Variants in PAXIP1 observed in about 807,000 individuals in gnomAD.
PAXIP1 encodes PAX-interacting protein 1.
PAXIP1 carries 19 observed loss-of-function variants against 140.6 expected under a neutral mutation model. That is an observed-to-expected ratio of 0.14 (90% CI 0.09 to 0.20). PAXIP1 has a LOEUF of 0.20. Among genes scored for constraint, PAXIP1 ranks in the 10% least tolerant of loss-of-function variants. The pLI is 1.00. For missense variants in PAXIP1, 920 were observed against 1,208.6 expected (o/e 0.76, Z 3.54); for synonymous variants, 442 against 444.6 (o/e 0.99, Z 0.07).
Position 155,002,965 on chromosome 7 carries a change from C to A in PAXIP1, c.-36G>T, listed in dbSNP as rs773223151. 1 of 1,005,086 alleles carries A rather than the reference C, an allele frequency of 9.9e-7. No individual in the cohort carries two copies. Among genetic ancestry groups the A allele is most frequent in the Non-Finnish European group, 1.2e-6 (1 of 811,794 alleles). 62.3% of individuals were successfully genotyped at this position (1,005,086 alleles called of 1,614,324 possible). A position where few individuals can be genotyped will look rare whatever the true frequency, so the allele number is the denominator to read the frequency against. On this transcript the variant is annotated 5_prime_UTR_variant, in exon 1 of 21. Transcript: ENST00000404141. Reference sequence around the variant, plus strand: ...GCCCGGGAGGCTCCGCGGCGGCGCCCGGCCCCGCCCACCCCCCGCCCCCGG... The same window carrying A: ...GCCCGGGAGGCTCCGCGGCGGCGCCAGGCCCCGCCCACCCCCCGCCCCCGG...
At chr7:154,983,463 A>G (rs1809934075) in intron 4 of PAXIP1, 131 bp from the exon 5 acceptor site, 1 of 596,454 alleles carries the variant, frequency 1.7e-6, no homozygotes, top group Non-Finnish European at 2.9e-6. Flanking sequence ...TATTTGTAGA[A>G]AAAATAGAGA....
At chr7:154,985,698 A>T (rs143285429) in intron 4 of PAXIP1, among the ~76,000 whole-genome samples, 1 of 152,280 alleles carries the variant, frequency 6.6e-6, no homozygotes, top group South Asian at 2.1e-4. Context: ...CTTTAAACCA[A>T]TCAGGAACAC....
chr7:154,962,581 C>T (rs1808801912), intron 9 of PAXIP1, 123 bp from the exon 10 acceptor site: 5 of 755,864 alleles, frequency 6.6e-6, no homozygotes, highest in Non-Finnish European at 1.0e-5. Context: ...AATTTCATGA[C>T]ATCTAGCACT....
intron 1 of PAXIP1, chr7:155,000,083 G>T (rs1446102152): frequency 6.6e-6 from 1 of 151,772 alleles, no homozygotes; most frequent in African/African-American, 2.4e-5. Context: ...GACCCACCAG[G>T]GCAACGCTCT....
intron 16 of PAXIP1, among the ~76,000 whole-genome samples, chr7:154,953,526 G>A (rs1470029848): frequency 6.6e-6 from 1 of 152,158 alleles, no homozygotes; most frequent in Non-Finnish European, 1.5e-5. Context: ...GGGGAGGATG[G>A]AGGACACAGC....
At chr7:154,989,944 T>G (rs1024102215) in intron 4 of PAXIP1, among the ~76,000 whole-genome samples, 9 of 152,168 alleles carry the variant, frequency 5.9e-5, no homozygotes, top group Admixed American at 2.6e-4. Flanking sequence ...TCCGATTGTT[T>G]CCAATTTTAC....
intron 4 of PAXIP1, among the ~76,000 whole-genome samples, chr7:154,984,340 C>T (rs762318805): frequency 3.3e-5 from 5 of 152,004 alleles, no homozygotes; most frequent in Non-Finnish European, 7.4e-5. Flanking sequence ...ATCATTTAAC[C>T]GAGTAAATTT....
chr7:154,990,169 G>C (rs1303735613), intron 4 of PAXIP1, among the ~76,000 whole-genome samples: 1 of 151,126 alleles, frequency 6.6e-6, no homozygotes, highest in Non-Finnish European at 1.5e-5. Flanking sequence ...AGCCTCCCAA[G>C]TAGCTGCGAT....
chr7:154,951,018 G>A (rs1264039343), intron 16 of PAXIP1: 1 of 152,336 alleles, frequency 6.6e-6, no homozygotes, highest in African/African-American at 2.4e-5. Flanking sequence ...CAGGGCAGTG[G>A]AACAACTCCA....
chr7:154,961,268 A>G (rs955805221), intron 11 of PAXIP1, among the ~76,000 whole-genome samples, 191 bp from the exon 12 acceptor site: 6 of 152,208 alleles, frequency 3.9e-5, no homozygotes, highest in African/African-American at 7.2e-5. Flanking sequence ...CAGAATTACA[A>G]AACCACTAAG....
chr7:154,993,346 C>T (rs1047783015), intron 3 of PAXIP1, among the ~76,000 whole-genome samples: 5 of 152,226 alleles, frequency 3.3e-5, no homozygotes, highest in African/African-American at 9.6e-5. Context: ...ATTAACAATG[C>T]ATGTTATAAA....
chr7:154,994,504 T>C (rs1403357712), intron 2 of PAXIP1, among the ~76,000 whole-genome samples: 1 of 152,106 alleles, frequency 6.6e-6, no homozygotes, highest in Non-Finnish European at 1.5e-5. Context: ...ATTCATCAAA[T>C]ATTTATTGAG....
Position 155,002,989 on chromosome 7 carries a change from G to A in PAXIP1, c.-60C>T, listed in dbSNP as rs1342634945. ...CCGGCCCCGCCCACCCCCCGCCCCCGGCCCCCGCGGCGCCCGGCGCCCCCA... is the reference window on the plus strand; with the variant it reads ...CCGGCCCCGCCCACCCCCCGCCCCCAGCCCCCGCGGCGCCCGGCGCCCCCA... On this transcript the variant is annotated 5_prime_UTR_variant, in exon 1 of 21. Coordinates refer to ENST00000404141, the MANE Select transcript of PAXIP1 (RefSeq NM_007349.4). 8 of 579,046 alleles carry A rather than the reference G, an allele frequency of 1.4e-5. No homozygotes were observed. The highest frequency in any genetic ancestry group is 1.5e-5 in the Non-Finnish European group (8 of 524,364). The allele number at this position is 579,046 out of a possible 1,614,324, so 35.9% of individuals were successfully genotyped here.
intron 11 of PAXIP1, 84 bp downstream of exon 11, chr7:154,961,443 A>C: frequency 8.8e-7 from 1 of 1,130,978 alleles, no homozygotes; most frequent in Non-Finnish European, 1.2e-6. Flanking sequence ...AAACTATGAC[A>C]TACTAAAAAA....
intron 4 of PAXIP1, chr7:154,985,894 T>C (rs1810048482): frequency 1.5e-6 from 1 of 662,676 alleles, no homozygotes. Flanking sequence ...GGCACATGGG[T>C]AGGCAGTCAA....
At chr7:154,969,546 G>T (rs1563373654) in intron 6 of PAXIP1, among the ~76,000 whole-genome samples, 1 of 152,230 alleles carries the variant, frequency 6.6e-6, no homozygotes. Flanking sequence ...TCCTGGCCCA[G>T]GAATGCACTG....
chr7:154,984,915 C>T (rs965846124), intron 4 of PAXIP1, among the ~76,000 whole-genome samples: 16 of 152,132 alleles, frequency 1.1e-4, no homozygotes, highest in Non-Finnish European at 1.6e-4. Flanking sequence ...GTGTCACAGG[C>T]GTAGACCTCA....
intron 4 of PAXIP1, among the ~76,000 whole-genome samples, chr7:154,988,328 C>A (rs775078664): frequency 2.0e-5 from 3 of 152,160 alleles, no homozygotes; most frequent in African/African-American, 7.2e-5. Context: ...TCCCTCGCCT[C>A]GCAATCCAGA....
chr7:154,944,037 C>G lies in PAXIP1; in HGVS notation c.*112G>C, dbSNP rs1263458635. The G allele has an allele frequency of 2.1e-6, 2 of 967,312 alleles. No individual in the cohort carries two copies. Among genetic ancestry groups the G allele is most frequent in the Non-Finnish European group, 3.3e-6 (2 of 608,386 alleles). The allele number at this position is 967,312 out of a possible 1,614,324, so 59.9% of individuals were successfully genotyped here. A position where few individuals can be genotyped will look rare whatever the true frequency, so the allele number is the denominator to read the frequency against. On this transcript the variant is annotated 3_prime_UTR_variant, in exon 21 of 21. Coordinates refer to ENST00000404141, the MANE Select transcript of PAXIP1 (RefSeq NM_007349.4). ...CTTCCTGCTTCACAGTCTGATCCCCCAGGAAAGCAGCTGGAAAACAAGAGC... is the reference window on the plus strand; with the variant it reads ...CTTCCTGCTTCACAGTCTGATCCCCGAGGAAAGCAGCTGGAAAACAAGAGC...
Sources: allele counts gnomAD v4.1 joint callset (sites outside exome capture counted in the v4.1 genomes callset), GRCh38; gene constraint gnomAD v4.1.1; transcripts MANE v1.5; gene names NCBI Gene and HGNC (gene_info 2026-07-23, HGNC 2026-07-21).